Variants in MBD5 observed in about 807,000 individuals in gnomAD.
MBD5 encodes methyl-CpG binding domain protein 5.
Under a neutral mutation model 117.3 loss-of-function variants are expected in MBD5, and 13 were observed. That is an observed-to-expected ratio of 0.11 (90% CI 0.07 to 0.18). The LOEUF is 0.18. MBD5 is among the 10% of genes least tolerant of loss of function. The probability of loss-of-function intolerance (pLI) is 1.00; values close to 1 mark genes in which losing one functional copy is unlikely to be tolerated. For missense variants in MBD5, 1,879 were observed against 2,093.8 expected, an observed-to-expected ratio of 0.90 and a Z score of 2.00; for synonymous variants, 727 against 766.4, an observed-to-expected ratio of 0.95 and a Z score of 0.85.
intron 2 of MBD5, among the ~76,000 whole-genome samples, chr2:148,226,126 A>G (rs537668265): frequency 2.7e-5 from 4 of 148,328 alleles, no homozygotes; most frequent in African/African-American, 9.9e-5. Context: ...TTTTTTCATT[A>G]TTATACTTTA....
At chr2:148,384,158 A>G (rs1704260507) in intron 4 of MBD5, among the ~76,000 whole-genome samples, 1 of 152,182 alleles carries the variant, frequency 6.6e-6, no homozygotes, top group Admixed American at 6.5e-5. Context: ...TTAGGAAAAG[A>G]GGAAGTCAAA....
chr2:148,111,023 C>T (rs1177582469), intron 1 of MBD5, among the ~76,000 whole-genome samples: 2 of 151,884 alleles, frequency 1.3e-5, no homozygotes, highest in East Asian at 3.9e-4. Context: ...CAAATTTAAT[C>T]GGGGGATATT....
intron 12 of MBD5, among the ~76,000 whole-genome samples, chr2:148,507,312 C>T (rs911555218): frequency 1.3e-5 from 2 of 152,144 alleles, no homozygotes; most frequent in African/African-American, 4.8e-5. Context: ...CTTTTGAAAA[C>T]TATAGTCAAA....
Position 148,469,750 on chromosome 2 carries a change from A to G in MBD5, c.1807A>G (p.Ser603Gly). ...TGCTGGTAACAACAGTAGCAGCAGTAGCAATTCTGGAGCTGTTGCCGGCAG... is the reference window on the plus strand; with the variant it reads ...TGCTGGTAACAACAGTAGCAGCAGTGGCAATTCTGGAGCTGTTGCCGGCAG... ...KLAGNNSSSS[S>G]NSGAVAGSGN... Residue 603 changes from serine (S) to glycine (G), a missense_variant, in exon 8 of 14, where the codon AGC becomes GGC. Around this residue, in one of 4 missense-constraint regions of MBD5, gnomAD observed 1,666 missense variants for 1,792.2 expected, o/e 0.93. Coordinates refer to ENST00000642680, the MANE Select transcript of MBD5 (RefSeq NM_001378120.1). 1 of 1,614,006 alleles carries G rather than the reference A, an allele frequency of 6.2e-7. No homozygotes were observed. Among genetic ancestry groups the G allele is most frequent in the Non-Finnish European group, 8.5e-7 (1 of 1,179,900 alleles).
At chr2:148,489,290 G>A (rs1681437798) in intron 10 of MBD5, 96 bp from the exon 11 acceptor site, 12 of 1,433,554 alleles carry the variant, frequency 8.4e-6, no homozygotes, top group East Asian at 2.3e-5. Context: ...GTTAATATTT[G>A]TTTGTCTTTT....
At chr2:148,199,638 G>C (rs1699085666) in intron 2 of MBD5, among the ~76,000 whole-genome samples, 1 of 151,894 alleles carries the variant, frequency 6.6e-6, no homozygotes, top group Non-Finnish European at 1.5e-5. Context: ...TTATACCTGT[G>C]GTCCCAAGTT....
At chr2:148,075,711 T>C (rs1195431646) in intron 1 of MBD5, among the ~76,000 whole-genome samples, 2 of 152,052 alleles carry the variant, frequency 1.3e-5, no homozygotes, top group African/African-American at 4.8e-5. Flanking sequence ...GGTTAATGTA[T>C]TCTTAAGTGT....
chr2:148,339,161 C>A (rs1177506620), intron 3 of MBD5, among the ~76,000 whole-genome samples: 1 of 152,184 alleles, frequency 6.6e-6, no homozygotes, highest in Non-Finnish European at 1.5e-5. Context: ...ACCGGACATA[C>A]ATAGCATTCT....
intron 1 of MBD5, among the ~76,000 whole-genome samples, chr2:148,138,377 C>G (rs1171159335): frequency 6.6e-6 from 1 of 152,118 alleles, no homozygotes; most frequent in Non-Finnish European, 1.5e-5. Flanking sequence ...AGATTTCAGG[C>G]TTAAATTTCA....
chr2:148,074,040 G>T (rs1022042419), intron 1 of MBD5, among the ~76,000 whole-genome samples: 1 of 151,150 alleles, frequency 6.6e-6, no homozygotes, highest in Admixed American at 6.6e-5. Flanking sequence ...TGAATATTTA[G>T]AATTTTTCTA....
At chr2:148,182,985 T>C (rs546073954) in intron 2 of MBD5, among the ~76,000 whole-genome samples, 10 of 152,324 alleles carry the variant, frequency 6.6e-5, no homozygotes, top group African/African-American at 2.4e-4. Context: ...CTCTGCCACA[T>C]ACCTAAATTA....
chr2:148,028,528 A>G (rs1353875583), intron 1 of MBD5: 1 of 152,110 alleles, frequency 6.6e-6, no homozygotes, highest in Non-Finnish European at 1.5e-5. Flanking sequence ...CCATGAGTCC[A>G]GAAGTATCTA....
At chr2:148,502,859 T>C in intron 12 of MBD5, 1 of 357,898 alleles carries the variant, frequency 2.8e-6, no homozygotes, top group Non-Finnish European at 5.2e-6. Flanking sequence ...CCATTTGCAA[T>C]TCAAATACTT....
At chr2:148,428,853 A>G (rs1227155550) in intron 4 of MBD5, among the ~76,000 whole-genome samples, 1 of 152,226 alleles carries the variant, frequency 6.6e-6, no homozygotes, top group Non-Finnish European at 1.5e-5. Context: ...CTCAAGATGG[A>G]TTAAAGACTT....
chr2:148,442,696 A>G (rs560261395), intron 4 of MBD5, among the ~76,000 whole-genome samples: 2 of 151,434 alleles, frequency 1.3e-5, no homozygotes, highest in East Asian at 3.9e-4. Context: ...ATATCCATAT[A>G]TAAAAGATGG....
intron 4 of MBD5, among the ~76,000 whole-genome samples, chr2:148,447,307 AC>A (rs1291926055): frequency 6.6e-6 from 1 of 151,884 alleles, no homozygotes; most frequent in Non-Finnish European, 1.5e-5. Context: ...GGTTCTCTGT[AC>A]CCTTTACCTA....
Position 148,421,321 on chromosome 2 carries a change from G to A in MBD5, c.-556-36882G>A, listed in dbSNP as rs146161103. On this transcript the variant is annotated intron_variant, in intron 4 of 13. Transcript: ENST00000642680. ...ATCGCCTCACCTGGGAAGCACAAGCGGTCAGGGTATTTCCCTCCCCTAGCC... is the reference window on the plus strand; with the variant it reads ...ATCGCCTCACCTGGGAAGCACAAGCAGTCAGGGTATTTCCCTCCCCTAGCC... 1.8e-4 allele frequency among the ~76,000 whole-genome samples: 27 copies of A among 152,248 alleles called. No individual in the cohort carries two copies. The East Asian group carries it at 2.3e-3, about 13-fold the overall frequency.
In MBD5 at chr2:148,258,632, TG is replaced by T. The variant is rs1700651695; in HGVS notation, c.-680+25239del. ...GGTAAAGCACCCGGGTGGGACCGGG[TG>T]GCGCAGCAGTGTATTTCTCCCCCTT... is the stretch of plus-strand genomic sequence containing the variant. On this transcript the variant is annotated intron_variant, in intron 3 of 13. Transcript: ENST00000642680. Among the ~76,000 whole-genome samples the T allele has an allele frequency of 4.6e-5, 7 of 152,274 alleles. 1 individual carries two copies. The highest frequency in any genetic ancestry group is 3.9e-4 in the Admixed American group (6 of 15,302).
chr2:148,029,422 A>G (rs1220949992), intron 1 of MBD5, among the ~76,000 whole-genome samples: 3 of 152,150 alleles, frequency 2.0e-5, no homozygotes, highest in Non-Finnish European at 4.4e-5. Flanking sequence ...ATATAGCAAT[A>G]TGTTGCCCAC....
Sources: gnomAD v4.1 joint callset for allele counts (sites outside exome capture counted in the v4.1 genomes callset) on GRCh38, gnomAD v4.1.1 for gene constraint, gnomAD v4.1.1 regional missense constraint, MANE v1.5 for transcripts, NCBI Gene and HGNC (gene_info 2026-07-23, HGNC 2026-07-21) for gene names.